The following PTPN14 variants were observed in gnomAD, a reference collection of about 807,000 sequenced individuals.
The protein encoded by PTPN14 is protein tyrosine phosphatase non-receptor type 14, also known as tyrosine-protein phosphatase non-receptor type 14.
In PTPN14, 53 loss-of-function variants were observed where a neutral mutation model predicts 126.8. The observed-to-expected ratio is 0.42, with a 90% CI of 0.34 to 0.53. The LOEUF is 0.53. Among genes scored for constraint, PTPN14 ranks in the 20% least tolerant of loss-of-function variants. PTPN14 has a pLI of 0.08. For missense variants in PTPN14, 1,257 were observed against 1,552.9 expected (o/e 0.81, Z 3.20); for synonymous variants, 630 against 599.3 (o/e 1.05, Z -0.75).
intron 1 of PTPN14, among the ~76,000 whole-genome samples, chr1:214,476,877 A>G (rs1227820657): frequency 6.6e-6 from 1 of 152,230 alleles, no homozygotes; most frequent in Non-Finnish European, 1.5e-5. Flanking sequence ...TGTGTTTGCT[A>G]TCACCGCCAT....
intron 1 of PTPN14, among the ~76,000 whole-genome samples, chr1:214,524,174 T>C (rs912209469): frequency 6.6e-6 from 1 of 151,800 alleles, no homozygotes; most frequent in Non-Finnish European, 1.5e-5. Context: ...GTATGCTACA[T>C]AAGAGGCAAG....
In PTPN14 at chr1:214,383,522, G is replaced by A; in HGVS notation, c.2333C>T (p.Ala778Val). 1 of 1,614,082 alleles carries A rather than the reference G, an allele frequency of 6.2e-7. No homozygotes were observed. ...GGCTGGCCCATGCCTCAGCACCCTGGCTCTGGCCATGGCGGGAGGAAGGCT... is the reference window on the plus strand; with the variant it reads ...GGCTGGCCCATGCCTCAGCACCCTGACTCTGGCCATGGCGGGAGGAAGGCT... ...QASLPPAMARARVLRHGPAKA... is the reference protein window; with the variant it reads ...QASLPPAMARVRVLRHGPAKA... Residue 778 changes from alanine (A) to valine (V), a missense_variant, in exon 13 of 19, where the codon GCC becomes GTC. Ala to Val is a moderately conservative substitution (Grantham distance 64). This residue lies in a region of PTPN14 where 1,021 missense variants were observed against 1,183.3 expected (regional missense o/e 0.86). Transcript: ENST00000366956. The surrounding 1 kb of genome is among the most constrained non-coding windows in gnomAD (Gnocchi z 4.4).
chr1:214,548,152 T>C (rs1656018886), intron 1 of PTPN14, among the ~76,000 whole-genome samples: 1 of 152,164 alleles, frequency 6.6e-6, no homozygotes, highest in Non-Finnish European at 1.5e-5. Flanking sequence ...ATGAAGAAAC[T>C]GAGGCTCAGA....
Position 214,397,983 on chromosome 1 carries a change from C to T in PTPN14, c.688G>A (p.Val230Ile). ...CCCATAAAGAAAATGCCAAGGTGTA[C>T]ACAGTTTCCATGATTGTCCTGGGTA... ...FPVKDNHGNC[V>I]HLGIFFMGIF... The change falls in exon 8 of 19, where the codon GTA becomes ATA. Residue 230 changes from valine (V) to isoleucine (I), a missense_variant. By Grantham distance (29) the Val-to-Ile change is conservative (BLOSUM62 3). Coordinates refer to ENST00000366956, the MANE Select transcript of PTPN14 (RefSeq NM_005401.5). The T allele has an allele frequency of 6.2e-7, 1 of 1,612,380 alleles. No homozygotes were observed.
chr1:214,477,116 T>A (rs1660884388), intron 1 of PTPN14, among the ~76,000 whole-genome samples: 1 of 152,208 alleles, frequency 6.6e-6, no homozygotes, highest in Non-Finnish European at 1.5e-5. Context: ...GTTTCAGATA[T>A]GTGACCACTC....
intron 10 of PTPN14, among the ~76,000 whole-genome samples, chr1:214,391,252 T>C (rs967859536): frequency 1.3e-5 from 2 of 152,148 alleles, no homozygotes; most frequent in Admixed American, 6.5e-5. Context: ...ATAAGGATAC[T>C]TTTAGAATAA....
At chr1:214,397,711 G>T (rs555436873) in intron 8 of PTPN14, among the ~76,000 whole-genome samples, 1 of 152,210 alleles carries the variant, frequency 6.6e-6, no homozygotes, top group East Asian at 1.9e-4. Context: ...TGTAGTTCCT[G>T]GAATCAGGTG....
chr1:214,513,691 C>G (rs6673383), intron 1 of PTPN14, among the ~76,000 whole-genome samples: 2 of 152,116 alleles, frequency 1.3e-5, no homozygotes, highest in African/African-American at 4.8e-5. Flanking sequence ...AAGTTCGAAT[C>G]CCACATCTGC....
intron 1 of PTPN14, among the ~76,000 whole-genome samples, chr1:214,507,874 AGG>A (rs1222341915): frequency 6.6e-6 from 1 of 152,188 alleles, no homozygotes; most frequent in African/African-American, 2.4e-5. Flanking sequence ...CCCACTACTC[AGG>A]AGGCTGAGGC....
At chr1:214,397,319 C>T (rs1658904364) in intron 8 of PTPN14, among the ~76,000 whole-genome samples, 2 of 152,110 alleles carry the variant, frequency 1.3e-5, no homozygotes, top group South Asian at 4.1e-4. Context: ...AGCTAGAACA[C>T]AGTTTTTCAG....
intron 3 of PTPN14, among the ~76,000 whole-genome samples, chr1:214,422,934 C>T (rs773021914): frequency 3.0e-4 from 45 of 152,118 alleles, no homozygotes; most frequent in African/African-American, 1.0e-3. Context: ...GTCTGATGAA[C>T]GAATGAGGCA....
chr1:214,513,818 T>C (rs1461990487), intron 1 of PTPN14, among the ~76,000 whole-genome samples: 1 of 152,202 alleles, frequency 6.6e-6, no homozygotes, highest in Non-Finnish European at 1.5e-5. Context: ...TTAAATGAGA[T>C]AATGTGTGCA....
At chr1:214,523,850 C>CTTT (rs1286518641) in intron 1 of PTPN14, among the ~76,000 whole-genome samples, 7,842 of 134,378 alleles carry the variant, frequency 0.058, 299 homozygotes, top group South Asian at 0.14. Flanking sequence ...TAATCAGATT[C>CTTT]TTTTTTTTTT....
chr1:214,399,155 A>G (rs1194281542), intron 7 of PTPN14, among the ~76,000 whole-genome samples: 2 of 152,172 alleles, frequency 1.3e-5, no homozygotes, highest in East Asian at 3.9e-4. Context: ...ACTCCACAAT[A>G]TACACGTTAT....
intron 10 of PTPN14, among the ~76,000 whole-genome samples, chr1:214,391,527 C>T (rs1316221598): frequency 1.3e-5 from 2 of 151,802 alleles, no homozygotes; most frequent in Admixed American, 6.6e-5. Flanking sequence ...ATTAAGATAA[C>T]ACATTTTACA....
In PTPN14 at chr1:214,376,364, G is replaced by T. The variant is rs766563310; in HGVS notation, c.2762C>A (p.Ala921Glu). 1.9e-5 allele frequency: 30 copies of T among 1,613,928 alleles called. No individual in the cohort carries two copies. Among genetic ancestry groups the T allele is most frequent in the African/African-American group, 5.3e-5 (4 of 74,882 alleles). ...AGCTGCTGTGCTGAAAATGCCATTC[G>T]CCTTTTTCTTTGGAATTTGCTCATA... ...TEYEQIPKKK[A>E]NGIFSTAALP... Residue 921 changes from alanine to glutamate, a missense_variant, in exon 15 of 19, where the codon GCG becomes GAG. Physicochemically the swap from Ala to Glu is moderately radical, Grantham distance 107. Transcript: ENST00000366956.
intron 1 of PTPN14, among the ~76,000 whole-genome samples, chr1:214,495,832 T>C (rs1335076909): frequency 6.6e-6 from 1 of 152,046 alleles, no homozygotes; most frequent in Non-Finnish European, 1.5e-5. Context: ...GTAGCTGGGA[T>C]TACAGGCACA....
At position 214,364,398 on chromosome 1, in the gene PTPN14, G is replaced by T. The variant is rs1020758040; in HGVS notation, c.3435+114C>A. ...GGAACCAGGAGCCTGGAAAACTCTG[G>T]TTGGGAGACAGGAAATTAACCACTG... On this transcript the variant is annotated intron_variant, in intron 18 of 18. Coordinates refer to ENST00000366956, the MANE Select transcript of PTPN14 (RefSeq NM_005401.5). This position sits in a 1 kb window ranked among gnomAD's most constrained non-coding sequence, Gnocchi z 4.1. The T allele has an allele frequency of 7.3e-6, 10 of 1,369,630 alleles. No individual in the cohort carries two copies. Among genetic ancestry groups the T allele is most frequent in the Non-Finnish European group, 9.9e-6 (10 of 1,010,626 alleles). 84.8% of individuals were successfully genotyped at this position (1,369,630 alleles called of 1,614,324 possible).
intron 11 of PTPN14, among the ~76,000 whole-genome samples, chr1:214,390,544 A>C (rs1006140490): frequency 1.3e-5 from 2 of 152,210 alleles, no homozygotes; most frequent in Non-Finnish European, 2.9e-5. Flanking sequence ...GCCTGAGACC[A>C]TCAACTAGAT....
Sources: gnomAD v4.1 joint callset for allele counts (sites outside exome capture counted in the v4.1 genomes callset) on GRCh38, gnomAD v4.1.1 for gene constraint, gnomAD v4.1.1 regional missense constraint, Gnocchi (gnomAD v3.1) non-coding constraint, MANE v1.5 for transcripts, NCBI Gene and HGNC (gene_info 2026-07-23, HGNC 2026-07-21) for gene names.